Variants in AHI1 observed in about 807,000 individuals in gnomAD.
AHI1 encodes jouberin.
In AHI1, 123 loss-of-function variants were observed where a neutral mutation model predicts 149.3. That is an observed-to-expected ratio of 0.82 (90% confidence interval 0.71 to 0.96). AHI1 has a LOEUF of 0.96. AHI1 is among the 40% of genes least tolerant of loss of function. The pLI, the probability that AHI1 is intolerant of heterozygous loss-of-function variation, is 0.00. For missense variants in AHI1, 1,439 were observed against 1,422.7 expected, an observed-to-expected ratio of 1.01 and a Z score of -0.18; for synonymous variants, 475 against 459.8, an observed-to-expected ratio of 1.03 and a Z score of -0.42.
chr6:135,458,051 G>T (rs868736113), intron 8 of AHI1, among the ~76,000 whole-genome samples: 1 of 152,078 alleles, frequency 6.6e-6, no homozygotes, highest in South Asian at 2.1e-4. Context: ...TCTAATTCTG[G>T]GTGGGATGCA....
intron 24 of AHI1, 168 bp from the exon 25 acceptor site, chr6:135,323,492 C>A: frequency 4.0e-6 from 2 of 506,164 alleles, no homozygotes. Context: ...GGGAACACAG[C>A]AGGAGAAGCA....
At chr6:135,426,695 A>G (rs1783960204) in intron 20 of AHI1, among the ~76,000 whole-genome samples, 1 of 151,666 alleles carries the variant, frequency 6.6e-6, no homozygotes, top group Admixed American at 6.6e-5. Flanking sequence ...AAAATAATGT[A>G]TCCACACTTT....
chr6:135,454,948 A>C (rs967557775), intron 10 of AHI1, among the ~76,000 whole-genome samples: 5 of 152,180 alleles, frequency 3.3e-5, no homozygotes, highest in African/African-American at 1.2e-4. Flanking sequence ...CTACAAAATG[A>C]ATCTTCGGCA....
intron 23 of AHI1, among the ~76,000 whole-genome samples, chr6:135,364,100 T>C (rs1318423461): frequency 2.7e-5 from 4 of 148,216 alleles, no homozygotes; most frequent in East Asian, 2.0e-4. Flanking sequence ...CCGGACGAGG[T>C]GGCTGCCGGG....
At chr6:135,495,612 C>A (rs1795850551) in intron 3 of AHI1, 1 of 152,254 alleles carries the variant, frequency 6.6e-6, no homozygotes, top group Non-Finnish European at 1.5e-5. Context: ...TCTACCTCAA[C>A]CTTGAATTTT....
intron 7 of AHI1, among the ~76,000 whole-genome samples, chr6:135,464,321 G>T (rs1392957512): frequency 6.6e-6 from 1 of 152,060 alleles, no homozygotes; most frequent in Non-Finnish European, 1.5e-5. Flanking sequence ...CCACTGTCAC[G>T]TGTTATTAAA....
At position 135,333,412 on chromosome 6, in the gene AHI1, T is replaced by C. The variant is rs79994006; in HGVS notation, c.3166-10088A>G. Among the ~76,000 whole-genome samples the C allele has an allele frequency of 6.7e-3, 1,022 of 152,312 alleles. 14 individuals carry two copies. Among genetic ancestry groups the C allele is most frequent in the African/African-American group, 0.023 (960 of 41,578 alleles). Reference sequence around the variant, plus strand: ...ATATAGCCCTATTTCTAGCATCATGTGGTAGAAACATACAGTCCCTTACCA... The same window carrying C: ...ATATAGCCCTATTTCTAGCATCATGCGGTAGAAACATACAGTCCCTTACCA... On this transcript the variant is annotated intron_variant, in intron 24 of 28. Coordinates refer to ENST00000265602, the MANE Select transcript of AHI1 (RefSeq NM_001134831.2).
At chr6:135,418,010 T>A (rs1782629058) in intron 20 of AHI1, among the ~76,000 whole-genome samples, 1 of 112,572 alleles carries the variant, frequency 8.9e-6, no homozygotes, top group Non-Finnish European at 1.8e-5. Flanking sequence ...AGTTGGAGTA[T>A]AATTTTGCAA....
At chr6:135,460,279 A>G (rs1471707022) in intron 8 of AHI1, among the ~76,000 whole-genome samples, 5 of 152,218 alleles carry the variant, frequency 3.3e-5, no homozygotes, top group Non-Finnish European at 7.3e-5. Context: ...ACATATATGT[A>G]CCAGCAACAA....
intron 20 of AHI1, among the ~76,000 whole-genome samples, chr6:135,422,681 G>T (rs76081116): frequency 5.9e-4 from 89 of 151,182 alleles, no homozygotes; most frequent in South Asian, 1.3e-3. Flanking sequence ...GTAGAGATGA[G>T]GTCTCACTAT....
intron 15 of AHI1, among the ~76,000 whole-genome samples, chr6:135,436,436 AAAG>A (rs1163102078): frequency 6.6e-6 from 1 of 152,180 alleles, no homozygotes; most frequent in African/African-American, 2.4e-5. Context: ...ACCTCTGAAG[AAAG>A]AAGTTTATGT....
chr6:135,451,702 T>C (rs1188773972), intron 11 of AHI1, among the ~76,000 whole-genome samples: 1 of 152,154 alleles, frequency 6.6e-6, no homozygotes, highest in Non-Finnish European at 1.5e-5. Context: ...GAGGTAGAAA[T>C]GCCCTGAAAT....
In AHI1 at chr6:135,448,448, T is replaced by C. The variant is rs1316545198; in HGVS notation, c.1468A>G (p.Ile490Val). Residue 490 changes from isoleucine to valine, a missense_variant, in exon 12 of 29, where the codon ATC becomes GTC. Transcript: ENST00000265602. ...AGCTGCAAGCGAAGTTTTGAGTTGA[T>C]GTTTGCATTTCCATTGGCTCCCAGA... ...KLLGANGNAN[I>V]NSKLRLQLYY... The C allele has an allele frequency of 3.2e-6, 5 of 1,541,132 alleles. No individual in the cohort carries two copies. Among genetic ancestry groups the C allele is most frequent in the Non-Finnish European group, 4.4e-6 (5 of 1,130,146 alleles).
chr6:135,470,997 C>A (rs889809279), intron 5 of AHI1, among the ~76,000 whole-genome samples: 28 of 152,054 alleles, frequency 1.8e-4, no homozygotes, highest in Admixed American at 1.3e-3. Flanking sequence ...ACCTCAATAA[C>A]CTTGAATTTC....
chr6:135,434,029 A>G (rs1416424934), intron 15 of AHI1, among the ~76,000 whole-genome samples: 1 of 152,028 alleles, frequency 6.6e-6, no homozygotes, highest in Non-Finnish European at 1.5e-5. Context: ...AAATCTACCA[A>G]TATACAGGTG....
At chr6:135,300,747 C>A in intron 26 of AHI1, 189 bp from the exon 27 acceptor site, 1 of 1,218,678 alleles carries the variant, frequency 8.2e-7, no homozygotes, top group South Asian at 3.2e-5. Flanking sequence ...CCATGAAAAA[C>A]CAAGGAAGTA....
At chr6:135,414,108 C>T (rs1781998738) in intron 20 of AHI1, among the ~76,000 whole-genome samples, 1 of 152,110 alleles carries the variant, frequency 6.6e-6, no homozygotes, top group Non-Finnish European at 1.5e-5. Context: ...ACACAGTTTG[C>T]TACTGGCATA....
At chr6:135,406,986 A>T (rs1299350677) in intron 21 of AHI1, among the ~76,000 whole-genome samples, 1 of 152,188 alleles carries the variant, frequency 6.6e-6, no homozygotes, top group Non-Finnish European at 1.5e-5. Context: ...ATACCCGTGA[A>T]GTCTTACCTG....
intron 26 of AHI1, chr6:135,302,822 A>C: frequency 1.6e-6 from 2 of 1,288,894 alleles, no homozygotes; most frequent in Non-Finnish European, 2.0e-6. Flanking sequence ...TTTTACCTTT[A>C]AACGAAAAAG....
Sources: gnomAD v4.1 joint callset for allele counts (sites outside exome capture counted in the v4.1 genomes callset) on GRCh38, gnomAD v4.1.1 for gene constraint, MANE v1.5 for transcripts, NCBI Gene and HGNC (gene_info 2026-07-23, HGNC 2026-07-21) for gene names.